VPS13A: variants seen among roughly 807,000 people sequenced by gnomAD.
VPS13A encodes the protein vacuolar protein sorting 13 homolog A.
A neutral mutation model predicts 390.9 loss-of-function variants in VPS13A; 264 were observed. The observed-to-expected ratio is 0.68, with a 90% CI of 0.61 to 0.75. The LOEUF (loss-of-function observed/expected upper bound fraction) is 0.75, where lower values mean the gene tolerates loss of function less well. VPS13A is among the 30% of genes least tolerant of loss of function. The pLI is 0.00. For synonymous variants in VPS13A, 1,231 were observed against 1,227.1 expected (o/e 1.00, Z -0.07); for missense variants, 3,409 against 3,733.9 (o/e 0.91, Z 2.27).
chr9:77,261,148 C>T (rs756977473), intron 23 of VPS13A, among the ~76,000 whole-genome samples: 5 of 152,110 alleles, frequency 3.3e-5, no homozygotes, highest in African/African-American at 4.8e-5. Context: ...ATCCACCCGC[C>T]TCGGCCTTCC....
At chr9:77,247,426 C>A (rs2131259947) in intron 20 of VPS13A, 31 bp downstream of exon 20, 1 of 1,573,424 alleles carries the variant, frequency 6.4e-7, no homozygotes, top group East Asian at 2.3e-5. Flanking sequence ...ATTTATGATA[C>A]AGCATTTGGG....
intron 69 of VPS13A, among the ~76,000 whole-genome samples, chr9:77,404,819 CTG>C (rs1834525441): frequency 6.6e-6 from 1 of 152,116 alleles, no homozygotes; most frequent in African/African-American, 2.4e-5. Flanking sequence ...GCCAGCCTGT[CTG>C]TGATTTTTCA....
chr9:77,268,705 C>G (rs372607233), intron 23 of VPS13A, among the ~76,000 whole-genome samples: 90 of 151,982 alleles, frequency 5.9e-4, no homozygotes, highest in African/African-American at 2.0e-3. Flanking sequence ...TTAGGGAGCC[C>G]GAGGCAGGCA....
chr9:77,332,170 C>A, intron 46 of VPS13A, 57 bp downstream of exon 46: 1 of 1,368,414 alleles, frequency 7.3e-7, no homozygotes, highest in Non-Finnish European at 1.0e-6. Flanking sequence ...TTTTTAGTTT[C>A]TGATTTCACA....
At chr9:77,208,930 A>T (rs1825822825) in intron 5 of VPS13A, among the ~76,000 whole-genome samples, 1 of 152,206 alleles carries the variant, frequency 6.6e-6, no homozygotes, top group Non-Finnish European at 1.5e-5. Flanking sequence ...GAAATAGTTG[A>T]TGAACTTCTT....
At chr9:77,409,376 C>T (rs1348569101) in intron 71 of VPS13A, among the ~76,000 whole-genome samples, 1 of 152,200 alleles carries the variant, frequency 6.6e-6, no homozygotes, top group Non-Finnish European at 1.5e-5. Flanking sequence ...TCTGGAAACT[C>T]TAAAAATCAG....
chr9:77,330,129 C>T (rs2131474475), intron 45 of VPS13A, among the ~76,000 whole-genome samples: 1 of 152,144 alleles, frequency 6.6e-6, no homozygotes, highest in African/African-American at 2.4e-5. Context: ...AATCCTCTCA[C>T]CTCAGCCTCT....
At chr9:77,184,859 A>G (rs747136070) in intron 1 of VPS13A, among the ~76,000 whole-genome samples, 47 of 152,228 alleles carry the variant, frequency 3.1e-4, no homozygotes, top group Middle Eastern at 3.4e-3. Context: ...ACCAAAGTCC[A>G]CAACAGGGAG....
intron 52 of VPS13A, among the ~76,000 whole-genome samples, chr9:77,347,671 A>G (rs945237899): frequency 6.6e-6 from 1 of 152,188 alleles, no homozygotes; most frequent in South Asian, 2.1e-4. Context: ...ATCTATCTCT[A>G]TATATCTAGT....
intron 24 of VPS13A, among the ~76,000 whole-genome samples, chr9:77,275,075 T>C (rs1826567448): frequency 6.6e-6 from 1 of 152,140 alleles, no homozygotes; most frequent in Non-Finnish European, 1.5e-5. Context: ...GCTGCTAATA[T>C]TGCAGAGTTT....
Position 77,345,102 on chromosome 9 carries a change from A to G in VPS13A, c.7249A>G (p.Ile2417Val), listed in dbSNP as rs750258312. ...TGATGGAGCAGCTACATTCCTCTTA[A>G]TAAATCACACAAAGAATGAACTTGT... is the stretch of plus-strand genomic sequence containing the variant. ...YHDGAATFLLINHTKNELVQY... is the reference protein window; with the variant it reads ...YHDGAATFLLVNHTKNELVQY... Residue 2417 changes from isoleucine to valine, a missense_variant, in exon 52 of 72, where the codon ATA becomes GTA. By Grantham distance (29) the Ile-to-Val change is conservative. This residue lies in a region of VPS13A where 2,717 missense variants were observed against 2,917.4 expected (regional missense o/e 0.93). Coordinates refer to ENST00000360280, the MANE Select transcript of VPS13A (RefSeq NM_033305.3). 1.2e-6 allele frequency: 2 copies of G among 1,613,262 alleles called. No homozygotes were observed. Among genetic ancestry groups the G allele is most frequent in the South Asian group, 1.1e-5 (1 of 91,076 alleles).
intron 5 of VPS13A, among the ~76,000 whole-genome samples, chr9:77,206,566 A>G (rs1321399398): frequency 6.6e-6 from 1 of 152,092 alleles, no homozygotes; most frequent in African/African-American, 2.4e-5. Flanking sequence ...CTTAGACAAT[A>G]TGTTCCATTA....
intron 68 of VPS13A, among the ~76,000 whole-genome samples, chr9:77,386,316 T>G (rs1197685256): frequency 6.6e-6 from 1 of 152,182 alleles, no homozygotes; most frequent in Non-Finnish European, 1.5e-5. Flanking sequence ...GTCTGGAAGT[T>G]TCTTCATTGG....
At chr9:77,297,382 A>T (rs1177403021) in intron 33 of VPS13A, among the ~76,000 whole-genome samples, 1 of 151,158 alleles carries the variant, frequency 6.6e-6, no homozygotes, top group Non-Finnish European at 1.5e-5. Flanking sequence ...TATCTTCTCT[A>T]CTCTGGGGCT....
chr9:77,207,439 T>G (rs1825746606), intron 5 of VPS13A, among the ~76,000 whole-genome samples: 4 of 150,582 alleles, frequency 2.7e-5, no homozygotes, highest in African/African-American at 7.3e-5. Flanking sequence ...CTATGAAGAT[T>G]GACCCTATTT....
Position 77,310,995 on chromosome 9 carries a change from G to A in VPS13A, c.4114+2897G>A, listed in dbSNP as rs1229101384. ...GGCTGGAGTGTAGTGGTGCAATCTC[G>A]GCTACTGCAAGCTCTGCCTCCCGGG... On this transcript the variant is annotated intron_variant, in intron 35 of 71. Coordinates refer to ENST00000360280, the MANE Select transcript of VPS13A (RefSeq NM_033305.3). Among the ~76,000 whole-genome samples, 16 of 151,318 alleles carry A rather than the reference G, an allele frequency of 1.1e-4. No homozygotes were observed. In the East Asian group the frequency reaches 3.1e-3, roughly 30 times the overall value.
chr9:77,180,834 C>G (rs980984266), intron 1 of VPS13A, among the ~76,000 whole-genome samples: 14 of 152,132 alleles, frequency 9.2e-5, no homozygotes, highest in African/African-American at 3.1e-4. Context: ...TGTAGTTAGT[C>G]TAGAAATCAG....
At chr9:77,178,188 T>A (rs1564609260) in intron 1 of VPS13A, 2 of 278,486 alleles carry the variant, frequency 7.2e-6, no homozygotes, top group Non-Finnish European at 1.4e-5. Context: ...CTTCCTGGGC[T>A]GGGTCCCATC....
rs1256271437 is a variant in VPS13A, at chr9:77,267,228, TGGA to T, written c.2428-6047_2428-6045del. ...TTGCTGGCAAGGAGTTGTGATCCTT[TGGA>T]GGAGAAGAGGCATTCTGGTTTTTGG... is the stretch of plus-strand genomic sequence containing the variant. On this transcript the variant is annotated intron_variant, in intron 23 of 71. Coordinates refer to ENST00000360280, the MANE Select transcript of VPS13A (RefSeq NM_033305.3). Among the ~76,000 whole-genome samples the T allele has an allele frequency of 7.1e-4, 108 of 152,254 alleles. 2 individuals are homozygous for T. Among genetic ancestry groups the T allele is most frequent in the Non-Finnish European group, 2.6e-4 (18 of 68,020 alleles).
Sources: gnomAD v4.1 joint callset for allele counts (sites outside exome capture counted in the v4.1 genomes callset) on GRCh38, gnomAD v4.1.1 for gene constraint, gnomAD v4.1.1 regional missense constraint, MANE v1.5 for transcripts, NCBI Gene and HGNC (gene_info 2026-07-23, HGNC 2026-07-21) for gene names.